PPP2R5E: variants seen among roughly 807,000 people sequenced by gnomAD.
PPP2R5E encodes protein phosphatase 2 regulatory subunit B'epsilon.
In PPP2R5E, 4 loss-of-function variants were observed where a neutral mutation model predicts 65.3. The ratio of observed to expected loss-of-function variants is 0.06; its 90% CI spans 0.03 to 0.14. The LOEUF (loss-of-function observed/expected upper bound fraction) is 0.14. PPP2R5E is among the 10% of genes least tolerant of loss of function. PPP2R5E has a pLI of 1.00. For synonymous variants in PPP2R5E, 183 were observed against 187.4 expected (o/e 0.98, Z 0.19); for missense variants, 274 against 556.1 (o/e 0.49, Z 5.10).
chr14:63,393,249 T>C (rs556652716), intron 8 of PPP2R5E, among the ~76,000 whole-genome samples: 6 of 152,358 alleles, frequency 3.9e-5, no homozygotes, highest in African/African-American at 1.4e-4. Flanking sequence ...TGTTATTGTG[T>C]GCACTTGGGA....
chr14:63,404,957 G>A (rs888533294), intron 5 of PPP2R5E, among the ~76,000 whole-genome samples: 7 of 152,112 alleles, frequency 4.6e-5, no homozygotes, highest in Non-Finnish European at 8.8e-5. Context: ...ATAAACATGC[G>A]GTGGTCCCTG....
chr14:63,529,154 G>A (rs952578476), intron 2 of PPP2R5E, among the ~76,000 whole-genome samples: 1 of 152,092 alleles, frequency 6.6e-6, no homozygotes, highest in African/African-American at 2.4e-5. Flanking sequence ...AGGAACAGGG[G>A]TCTCACTATG....
rs1186061707 is a variant in PPP2R5E, at chr14:63,373,613, T to A, written c.*2396A>T. Reference sequence around the variant, plus strand: ...AAAATGTGGCTTTATTCTTCTCAGTTTGGAATGATCAACATACAAAATTGA... The same window carrying A: ...AAAATGTGGCTTTATTCTTCTCAGTATGGAATGATCAACATACAAAATTGA... On this transcript the variant is annotated 3_prime_UTR_variant, in exon 14 of 14. Transcript: ENST00000337537. 6.6e-6 allele frequency: 1 copy of A among 152,220 alleles called. No individual in the cohort carries two copies. Among genetic ancestry groups the A allele is most frequent in the Non-Finnish European group, 1.5e-5 (1 of 68,034 alleles). 9.4% of individuals were successfully genotyped at this position (152,220 alleles called of 1,614,324 possible).
At chr14:63,467,459 CA>C (rs1394092344) in intron 2 of PPP2R5E, among the ~76,000 whole-genome samples, 1 of 152,034 alleles carries the variant, frequency 6.6e-6, no homozygotes, top group African/African-American at 2.4e-5. Flanking sequence ...TGGGGTAGTA[CA>C]AACATTTTCT....
At chr14:63,436,678 G>C (rs557429128) in intron 3 of PPP2R5E, among the ~76,000 whole-genome samples, 2 of 152,318 alleles carry the variant, frequency 1.3e-5, no homozygotes, top group South Asian at 4.1e-4. Context: ...GGGGAAGACA[G>C]GACAGCCAGC....
At chr14:63,476,628 T>A in intron 2 of PPP2R5E, among the ~76,000 whole-genome samples, 1 of 152,164 alleles carries the variant, frequency 6.6e-6, no homozygotes, top group Non-Finnish European at 1.5e-5. Context: ...GTTTTATTAA[T>A]CAATCAATGA....
chr14:63,385,364 G>A (rs1290350572), intron 11 of PPP2R5E, among the ~76,000 whole-genome samples: 1 of 152,046 alleles, frequency 6.6e-6, no homozygotes, highest in Non-Finnish European at 1.5e-5. Context: ...TGGTTCAAGT[G>A]GTTCATCGAC....
chr14:63,469,363 G>A (rs533405776), intron 2 of PPP2R5E, among the ~76,000 whole-genome samples: 1 of 152,332 alleles, frequency 6.6e-6, no homozygotes, highest in East Asian at 1.9e-4. Flanking sequence ...AGTCCAGGGG[G>A]AAGCAAGATT....
At chr14:63,530,776 G>A (rs1256813608) in intron 2 of PPP2R5E, among the ~76,000 whole-genome samples, 2 of 150,724 alleles carry the variant, frequency 1.3e-5, no homozygotes, top group African/African-American at 4.9e-5. Context: ...CACCACGCCT[G>A]ACTAATTTTT....
At chr14:63,475,473 T>C (rs1890363616) in intron 2 of PPP2R5E, among the ~76,000 whole-genome samples, 1 of 152,256 alleles carries the variant, frequency 6.6e-6, no homozygotes, top group Non-Finnish European at 1.5e-5. Context: ...ACACTTTTAG[T>C]GATGAAAGTC....
intron 2 of PPP2R5E, among the ~76,000 whole-genome samples, chr14:63,503,492 A>G (rs961374718): frequency 6.6e-6 from 1 of 152,120 alleles, no homozygotes; most frequent in African/African-American, 2.4e-5. Context: ...ACTCCAACCA[A>G]TTTCTCAGGT....
At chr14:63,390,579 G>GCA (rs1566668247) in intron 10 of PPP2R5E, among the ~76,000 whole-genome samples, 1 of 152,204 alleles carries the variant, frequency 6.6e-6, no homozygotes, top group Non-Finnish European at 1.5e-5. Context: ...ATTTTGAGAT[G>GCA]TATCTGGGTA....
chr14:63,522,909 C>CG (rs1893004078), intron 2 of PPP2R5E, among the ~76,000 whole-genome samples: 2 of 123,226 alleles, frequency 1.6e-5, no homozygotes, highest in Admixed American at 8.3e-5. Context: ...GGAGGGAGGT[C>CG]GGGGGGTCAG....
chr14:63,459,506 T>A (rs781274283), intron 2 of PPP2R5E, among the ~76,000 whole-genome samples: 3 of 152,160 alleles, frequency 2.0e-5, no homozygotes, highest in African/African-American at 4.8e-5. Flanking sequence ...AAATATAACA[T>A]GTTGATTACA....
rs973888722 is a variant in PPP2R5E at position 63,401,365 on chromosome 14, T to C, written c.550-4649A>G. On this transcript the variant is annotated intron_variant, in intron 5 of 13. Transcript: ENST00000337537. ...CACACCTGTAAATGCCTAAGTGGAC[T>C]GTGCCATCCCTAATATAACAGGTAG... 8.5e-5 allele frequency among the ~76,000 whole-genome samples: 13 copies of C among 152,302 alleles called. No individual in the cohort carries two copies. In the East Asian group the frequency reaches 2.5e-3, roughly 29 times the overall value.
intron 4 of PPP2R5E, among the ~76,000 whole-genome samples, chr14:63,416,121 G>A (rs1886670965): frequency 6.6e-6 from 1 of 152,176 alleles, no homozygotes. Flanking sequence ...TATGTCAAAG[G>A]CTACATCAGA....
At chr14:63,517,459 C>CACGG (rs142932875) in intron 2 of PPP2R5E, among the ~76,000 whole-genome samples, 2 of 151,598 alleles carry the variant, frequency 1.3e-5, no homozygotes, top group African/African-American at 4.9e-5. Flanking sequence ...GTCATTTAAG[C>CACGG]ACTATCAAAA....
At chr14:63,385,414 T>C (rs906863555) in intron 11 of PPP2R5E, among the ~76,000 whole-genome samples, 1 of 152,206 alleles carries the variant, frequency 6.6e-6, no homozygotes, top group African/African-American at 2.4e-5. Context: ...ATTTATATTC[T>C]TCTCTAATTC....
Position 63,374,271 on chromosome 14 carries a change from T to A in PPP2R5E, c.*1738A>T, listed in dbSNP as rs1883855430. 2.0e-5 allele frequency: 3 copies of A among 152,044 alleles called. No individual in the cohort carries two copies. The highest frequency in any genetic ancestry group is 1.5e-5 in the Non-Finnish European group (1 of 67,994). The allele number at this position is 152,044 out of a possible 1,614,324, so 9.4% of individuals were successfully genotyped here. ...TTTTCTTGAAAATAATAAAACTGCG[T>A]ATTCTACTTTATATTTAAATGTAAG... On this transcript the variant is annotated 3_prime_UTR_variant, in exon 14 of 14. Transcript: ENST00000337537.
Sources: gnomAD v4.1 joint callset for allele counts (sites outside exome capture counted in the v4.1 genomes callset) on GRCh38, gnomAD v4.1.1 for gene constraint, MANE v1.5 for transcripts, NCBI Gene and HGNC (gene_info 2026-07-23, HGNC 2026-07-21) for gene names.